IQCJ: variants seen among roughly 807,000 people sequenced by gnomAD.
IQCJ encodes IQ motif containing J.
A neutral mutation model predicts 11.0 loss-of-function variants in IQCJ; 9 were observed. That is an observed-to-expected ratio of 0.82 (90% CI 0.49 to 1.43). The LOEUF (loss-of-function observed/expected upper bound fraction) is 1.43, where lower values mean the gene tolerates loss of function less well. Among genes scored for constraint, IQCJ ranks in the 40% most tolerant of loss-of-function variants. The probability of loss-of-function intolerance (pLI) is 0.00; values close to 1 mark genes in which losing one functional copy is unlikely to be tolerated. For synonymous variants in IQCJ, 55 were observed against 51.3 expected, an observed-to-expected ratio of 1.07 and a Z score of -0.31; for missense variants, 146 against 133.2, an observed-to-expected ratio of 1.10 and a Z score of -0.47.
At chr3:159,089,153 G>T (rs573771508) in intron 1 of IQCJ, among the ~76,000 whole-genome samples, 2 of 152,200 alleles carry the variant, frequency 1.3e-5, no homozygotes, top group African/African-American at 4.8e-5. Context: ...TGTCTGTAAA[G>T]TATTTTAGTT....
At chr3:159,247,749 G>C (rs987536902) in intron 2 of IQCJ, among the ~76,000 whole-genome samples, 8 of 152,172 alleles carry the variant, frequency 5.3e-5, no homozygotes, top group Admixed American at 5.2e-4. Context: ...TAGCTTGTTT[G>C]GGGGAGAAGG....
intron 1 of IQCJ, among the ~76,000 whole-genome samples, chr3:159,184,268 C>A (rs1723261121): frequency 6.6e-6 from 1 of 152,054 alleles, no homozygotes; most frequent in Non-Finnish European, 1.5e-5. Context: ...TCATTCTTTA[C>A]CCTATCTGAA....
chr3:159,187,692 G>C (rs1723451322), intron 1 of IQCJ, among the ~76,000 whole-genome samples: 1 of 152,188 alleles, frequency 6.6e-6, no homozygotes, highest in African/African-American at 2.4e-5. Context: ...ATGGCACCAG[G>C]GTCCGTTTTT....
At chr3:159,263,985 T>C (rs1728365233), downstream of IQCJ, among the ~76,000 whole-genome samples, 1 of 152,230 alleles carries the variant, frequency 6.6e-6, no homozygotes, top group Admixed American at 6.5e-5. Context: ...GTCTAACTCA[T>C]GATTTGTGAG....
chr3:159,214,468 T>A (rs1268080410), intron 1 of IQCJ, among the ~76,000 whole-genome samples: 6 of 152,240 alleles, frequency 3.9e-5, no homozygotes. Flanking sequence ...ACTGGTTTTT[T>A]AATTTAGTTA....
At chr3:159,092,517 G>A (rs1217821320) in intron 1 of IQCJ, among the ~76,000 whole-genome samples, 2 of 151,782 alleles carry the variant, frequency 1.3e-5, no homozygotes, top group African/African-American at 4.9e-5. Flanking sequence ...GGCTAACACG[G>A]TGAAACCCCC....
chr3:159,187,628 G>A (rs1276616714), intron 1 of IQCJ, among the ~76,000 whole-genome samples: 1 of 152,210 alleles, frequency 6.6e-6, no homozygotes, highest in Non-Finnish European at 1.5e-5. Flanking sequence ...GTAGATGGCA[G>A]GAACCTAGAA....
At chr3:159,122,661 T>C (rs1023373404) in intron 1 of IQCJ, among the ~76,000 whole-genome samples, 2 of 152,204 alleles carry the variant, frequency 1.3e-5, no homozygotes, top group Non-Finnish European at 2.9e-5. Context: ...TTTTGAAATA[T>C]AGAATAAAAA....
intron 1 of IQCJ, among the ~76,000 whole-genome samples, chr3:159,159,164 T>C (rs556621370): frequency 1.3e-5 from 2 of 152,142 alleles, no homozygotes; most frequent in Non-Finnish European, 2.9e-5. Flanking sequence ...GTCTGAATGA[T>C]TTTGGTGGAC....
At chr3:159,163,555 G>T (rs994162351) in intron 1 of IQCJ, among the ~76,000 whole-genome samples, 3 of 152,114 alleles carry the variant, frequency 2.0e-5, no homozygotes, top group Admixed American at 2.0e-4. Flanking sequence ...AGTAGAGATG[G>T]GGTTTCACCA....
At chr3:159,074,383 A>T (rs568106820) in intron 1 of IQCJ, among the ~76,000 whole-genome samples, 2 of 152,128 alleles carry the variant, frequency 1.3e-5, no homozygotes, top group Non-Finnish European at 2.9e-5. Flanking sequence ...AGGGGAAGAT[A>T]GTACTCAAAA....
chr3:159,220,362 C>G (rs990525314), intron 1 of IQCJ, among the ~76,000 whole-genome samples: 1 of 152,054 alleles, frequency 6.6e-6, no homozygotes, highest in African/African-American at 2.4e-5. Flanking sequence ...TACAGTGGGG[C>G]TCTAAATTAG....
chr3:159,104,637 C>T lies in IQCJ; in HGVS notation c.9+35196C>T, dbSNP rs560399798. ...TGCCCACCTTAGTGGCCTCCTCGCC[C>T]GCCATTTTTCCACACCGTGCCATTC... On this transcript the variant is annotated intron_variant, in intron 1 of 3. Coordinates refer to ENST00000397832, the MANE Select transcript of IQCJ (RefSeq NM_001042706.3). Among the ~76,000 whole-genome samples, 21 of 152,268 alleles carry T rather than the reference C, an allele frequency of 1.4e-4. No individual in the cohort carries two copies. The South Asian group carries it at 3.1e-3, about 23-fold the overall frequency.
chr3:159,226,083 G>A (rs548889732), intron 1 of IQCJ, among the ~76,000 whole-genome samples: 1 of 152,296 alleles, frequency 6.6e-6, no homozygotes, highest in South Asian at 2.1e-4. Context: ...CACCCTCCAA[G>A]CACCTCCAAG....
At chr3:159,161,140 T>A (rs922979427) in intron 1 of IQCJ, among the ~76,000 whole-genome samples, 2 of 151,772 alleles carry the variant, frequency 1.3e-5, no homozygotes, top group African/African-American at 2.4e-5. Flanking sequence ...TAGTTTACAG[T>A]CCCACCAACA....
intron 1 of IQCJ, among the ~76,000 whole-genome samples, chr3:159,130,103 T>C (rs1450547180): frequency 6.6e-6 from 1 of 152,188 alleles, no homozygotes; most frequent in Non-Finnish European, 1.5e-5. Context: ...CCCTAACCTC[T>C]GGGAACCTCT....
intron 1 of IQCJ, among the ~76,000 whole-genome samples, chr3:159,150,425 T>C (rs1721143323): frequency 6.6e-6 from 1 of 152,140 alleles, no homozygotes; most frequent in Non-Finnish European, 1.5e-5. Context: ...CTGGAAGTAC[T>C]GAATGAATCC....
intron 1 of IQCJ, among the ~76,000 whole-genome samples, chr3:159,230,418 G>C (rs1726179174): frequency 6.6e-6 from 1 of 152,086 alleles, no homozygotes; most frequent in Non-Finnish European, 1.5e-5. Flanking sequence ...TAACACTTAA[G>C]TTATTGCTGT....
intron 1 of IQCJ, among the ~76,000 whole-genome samples, chr3:159,242,998 T>C (rs1727028087): frequency 6.6e-6 from 1 of 151,990 alleles, no homozygotes; most frequent in African/African-American, 2.4e-5. Flanking sequence ...ATGCAAAAAA[T>C]ACTCAACATT....
Sources: allele counts gnomAD v4.1 joint callset (sites outside exome capture counted in the v4.1 genomes callset), GRCh38; gene constraint gnomAD v4.1.1; transcripts MANE v1.5; gene names NCBI Gene and HGNC (gene_info 2026-07-23, HGNC 2026-07-21).